GLG1: variants seen among roughly 807,000 people sequenced by gnomAD.
GLG1 encodes Golgi apparatus protein 1.
GLG1 carries 38 observed loss-of-function variants against 160.5 expected under a neutral mutation model. That is an observed-to-expected ratio of 0.24 (90% CI 0.18 to 0.31). The LOEUF (loss-of-function observed/expected upper bound fraction) is 0.31. Ranked by LOEUF, GLG1 falls within the 10% of genes least tolerant of loss-of-function variation. The probability of loss-of-function intolerance (pLI) is 1.00; values close to 1 mark genes in which losing one functional copy is unlikely to be tolerated. For missense variants in GLG1, 1,373 were observed against 1,505.2 expected, an observed-to-expected ratio of 0.91 and a Z score of 1.45; for synonymous variants, 644 against 543.4, an observed-to-expected ratio of 1.19 and a Z score of -2.57.
intron 9 of GLG1, among the ~76,000 whole-genome samples, chr16:74,485,544 G>A (rs1228710826): frequency 6.6e-6 from 1 of 152,052 alleles, no homozygotes; most frequent in Non-Finnish European, 1.5e-5. Flanking sequence ...TAATATATAG[G>A]TCCATATATG....
At chr16:74,540,093 T>A (rs1462213883) in intron 1 of GLG1, among the ~76,000 whole-genome samples, 7 of 464 alleles carry the variant, frequency 0.015, 3 homozygotes, top group Non-Finnish European at 0.1. Context: ...TATATATATA[T>A]TATATATATT....
intron 1 of GLG1, among the ~76,000 whole-genome samples, chr16:74,590,068 G>A (rs534723725): frequency 1.4e-4 from 22 of 151,950 alleles, no homozygotes; most frequent in African/African-American, 3.6e-4. Flanking sequence ...GCAGTGACAC[G>A]ATCTCTGCAA....
intron 8 of GLG1, among the ~76,000 whole-genome samples, chr16:74,490,710 C>A (rs1481825833): frequency 6.6e-6 from 1 of 152,204 alleles, no homozygotes; most frequent in Admixed American, 6.6e-5. Context: ...TTAGGAAATC[C>A]AGTCTAGCAA....
At chr16:74,482,194 G>A (rs1470562720) in intron 10 of GLG1, among the ~76,000 whole-genome samples, 2 of 152,064 alleles carry the variant, frequency 1.3e-5, no homozygotes, top group Non-Finnish European at 2.9e-5. Context: ...GTCTTGCTAT[G>A]TTGACCAGGC....
intron 1 of GLG1, among the ~76,000 whole-genome samples, chr16:74,550,134 A>C (rs2018158698): frequency 1.3e-5 from 2 of 151,818 alleles, no homozygotes; most frequent in South Asian, 4.1e-4. Flanking sequence ...TAATATAAAA[A>C]GAAAGGGCAC....
chr16:74,461,853 T>C, intron 22 of GLG1: 2 of 401,526 alleles, frequency 5.0e-6, no homozygotes, highest in Non-Finnish European at 8.9e-6. Context: ...CAGAGAGCTA[T>C]AATGAAAGAA....
intron 1 of GLG1, among the ~76,000 whole-genome samples, chr16:74,540,513 A>T (rs2017832216): frequency 1.3e-5 from 2 of 151,796 alleles, no homozygotes; most frequent in Admixed American, 1.3e-4. Context: ...TCTTTTCATC[A>T]AATTCCCATC....
At chr16:74,470,160 C>T in intron 15 of GLG1, 87 bp from the exon 16 acceptor site, 3 of 789,100 alleles carry the variant, frequency 3.8e-6, no homozygotes, top group Non-Finnish European at 6.8e-6. Flanking sequence ...ATAGCTCTCA[C>T]AAGCCTGTTT....
At chr16:74,498,868 CAAAAA>C (rs57372225) in intron 4 of GLG1, among the ~76,000 whole-genome samples, 8 of 75,828 alleles carry the variant, frequency 1.1e-4, no homozygotes, top group South Asian at 1.3e-3. Context: ...CCGTCTCAGG[CAAAAA>C]AAAAAAAAAA....
intron 1 of GLG1, among the ~76,000 whole-genome samples, chr16:74,561,180 G>A (rs1255382546): frequency 1.3e-5 from 2 of 152,186 alleles, no homozygotes; most frequent in African/African-American, 4.8e-5. Flanking sequence ...GCTGGGCATG[G>A]GGGGCAGCAT....
intron 1 of GLG1, among the ~76,000 whole-genome samples, chr16:74,562,874 C>G (rs1406748899): frequency 6.6e-6 from 1 of 152,174 alleles, no homozygotes; most frequent in Non-Finnish European, 1.5e-5. Context: ...CAGGAAAACA[C>G]TGCCCTTGTT....
intron 1 of GLG1, among the ~76,000 whole-genome samples, chr16:74,549,594 C>T (rs2018143432): frequency 6.6e-6 from 1 of 152,114 alleles, no homozygotes; most frequent in South Asian, 2.1e-4. Context: ...CCAGTCTTCT[C>T]CATCTTTTTA....
chr16:74,514,299 G>C (rs1353127647), intron 2 of GLG1, among the ~76,000 whole-genome samples: 3 of 152,130 alleles, frequency 2.0e-5, no homozygotes, highest in Non-Finnish European at 4.4e-5. Flanking sequence ...ACACCACAAA[G>C]ATACTCATCA....
chr16:74,579,191 A>AAAC (rs1006796132), intron 1 of GLG1, among the ~76,000 whole-genome samples: 5 of 152,094 alleles, frequency 3.3e-5, no homozygotes, highest in African/African-American at 1.2e-4. Flanking sequence ...TTAAAAATAC[A>AAAC]AACAACAACA....
chr16:74,498,448 G>GTATATATATATATATAT (rs2016282471), intron 4 of GLG1, among the ~76,000 whole-genome samples: 1 of 24,038 alleles, frequency 4.2e-5, no homozygotes, highest in African/African-American at 1.4e-4. Context: ...AAAAAAAAAA[G>GTATATATATATATATAT]TATATATATA....
chr16:74,582,823 AAAAATAAAT>A (rs1186388609), intron 1 of GLG1, among the ~76,000 whole-genome samples: 1 of 148,008 alleles, frequency 6.8e-6, no homozygotes, highest in Non-Finnish European at 1.5e-5. Flanking sequence ...TCCTTCTCAA[AAAAATAAAT>A]AAAATAAAAT....
rs1364982142 is a variant in GLG1, at chr16:74,452,341, G to T, written c.*826C>A. 7 of 1,381,416 alleles carry T rather than the reference G, an allele frequency of 5.1e-6. No homozygotes were observed. The highest frequency in any genetic ancestry group is 9.4e-7 in the Non-Finnish European group (1 of 1,065,802). The allele number at this position is 1,381,416 out of a possible 1,614,324, so 85.6% of individuals were successfully genotyped here. On this transcript the variant is annotated 3_prime_UTR_variant, in exon 26 of 26. Transcript: ENST00000422840. ...GGAGGAAGGTTCCTGGGATCCTGCTGCCCCGGGACTCAGGATCCAGCCTCT... is the reference window on the plus strand; with the variant it reads ...GGAGGAAGGTTCCTGGGATCCTGCTTCCCCGGGACTCAGGATCCAGCCTCT...
Position 74,452,943 on chromosome 16 carries a change from G to C in GLG1, c.*224C>G, listed in dbSNP as rs2014383536. On this transcript the variant is annotated 3_prime_UTR_variant, in exon 26 of 26. Transcript: ENST00000422840. ...GGTAAACCCAAGTTTGCCAAACAAA[G>C]GCAGTAACCCCAGCGACCAGCTGCT... 4.9e-6 allele frequency: 6 copies of C among 1,230,000 alleles called. No individual in the cohort carries two copies. The highest frequency in any genetic ancestry group is 4.1e-6 in the Non-Finnish European group (4 of 985,016). 76.2% of individuals were successfully genotyped at this position (1,230,000 alleles called of 1,614,324 possible).
intron 4 of GLG1, 46 bp downstream of exon 4, chr16:74,503,485 C>T (rs770865477): frequency 7.7e-7 from 1 of 1,298,388 alleles, no homozygotes; most frequent in South Asian, 1.2e-5. Flanking sequence ...TTTTCATACA[C>T]CAAATTTTAA....
Sources: gnomAD v4.1 joint callset for allele counts (sites outside exome capture counted in the v4.1 genomes callset) on GRCh38, gnomAD v4.1.1 for gene constraint, MANE v1.5 for transcripts, NCBI Gene and HGNC (gene_info 2026-07-23, HGNC 2026-07-21) for gene names.